Variants in GRPR observed in about 807,000 individuals in gnomAD.
The protein encoded by GRPR is gastrin releasing peptide receptor.
A neutral mutation model predicts 15.6 loss-of-function variants in GRPR; 4 were observed. The ratio of observed to expected loss-of-function variants is 0.26; its 90% CI spans 0.13 to 0.59. The LOEUF (loss-of-function observed/expected upper bound fraction) is 0.59, where lower values mean the gene tolerates loss of function less well. GRPR is among the 20% of genes least tolerant of loss of function. The probability of loss-of-function intolerance (pLI) is 0.90; values close to 1 mark genes in which losing one functional copy is unlikely to be tolerated. For synonymous variants in GRPR, 128 were observed against 126.8 expected, an observed-to-expected ratio of 1.01 and a Z score of -0.06; for missense variants, 270 against 304.1, an observed-to-expected ratio of 0.89 and a Z score of 0.83.
At chrX:16,150,159 G>A in intron 1 of GRPR, 146 bp from the exon 2 acceptor site, 1 of 486,547 alleles carries the variant, frequency 2.1e-6, no homozygotes, top group Admixed American at 2.9e-5. Context: ...GGGTCACAGA[G>A]CTCAGAGTCG....
At chrX:16,131,732 G>A (rs1922379716) in intron 1 of GRPR, among the ~76,000 whole-genome samples, 1 of 111,679 alleles carries the variant, frequency 9.0e-6, no homozygotes, top group African/African-American at 3.3e-5. Flanking sequence ...CTCACTTTTT[G>A]CACGTATCAG....
intron 1 of GRPR, among the ~76,000 whole-genome samples, chrX:16,148,323 T>C (rs757039845): frequency 1.8e-5 from 2 of 111,728 alleles, no homozygotes; most frequent in Admixed American, 9.5e-5. Flanking sequence ...ATATTACACT[T>C]GCCATTCCTC....
chrX:16,145,671 C>T lies in GRPR; in HGVS notation c.414-4634C>T, dbSNP rs762209495. Among the ~76,000 whole-genome samples the T allele has an allele frequency of 3.6e-5, 4 of 112,191 alleles. No homozygotes were observed. In the South Asian group the frequency reaches 1.5e-3, roughly 41 times the overall value. On this transcript the variant is annotated intron_variant, in intron 1 of 2. Transcript: ENST00000380289. Reference sequence around the variant, plus strand: ...GAGTATAATTGGATTGCTTTTTACACTAAGGATAAATGCTTGAGGGGATGG... The same window carrying T: ...GAGTATAATTGGATTGCTTTTTACATTAAGGATAAATGCTTGAGGGGATGG...
Position 16,149,305 on chromosome X carries a change from C to T in GRPR, c.414-1000C>T, listed in dbSNP as rs140693550. On this transcript the variant is annotated intron_variant, in intron 1 of 2. Transcript: ENST00000380289. The stretch of plus-strand genomic sequence containing the variant: ...GACCTGAGAAGCTCCCTCTTTCTAT[C>T]CTACTTCCTCCCCTTTTTCCTTTCA... 1.0e-3 allele frequency among the ~76,000 whole-genome samples: 113 copies of T among 111,319 alleles called. 1 individual carries two copies. In the East Asian group the frequency reaches 0.021, roughly 21 times the overall value.
At chrX:16,134,953 C>G (rs1184857754) in intron 1 of GRPR, among the ~76,000 whole-genome samples, 1 of 111,194 alleles carries the variant, frequency 9.0e-6, no homozygotes, top group Non-Finnish European at 1.9e-5. Flanking sequence ...AGAGTACATC[C>G]TATACTACTA....
intron 1 of GRPR, among the ~76,000 whole-genome samples, chrX:16,126,100 C>T (rs1291078613): frequency 9.0e-6 from 1 of 111,677 alleles, no homozygotes; most frequent in African/African-American, 3.3e-5. Flanking sequence ...AGACCAAGTT[C>T]ACCATCAACA....
intron 1 of GRPR, among the ~76,000 whole-genome samples, chrX:16,142,543 C>T (rs1415375690): frequency 8.9e-6 from 1 of 111,773 alleles, no homozygotes; most frequent in Non-Finnish European, 1.9e-5. Context: ...CCCAATGCCA[C>T]CATCACATTG....
intron 1 of GRPR, among the ~76,000 whole-genome samples, chrX:16,146,914 T>C (rs1326888343): frequency 8.9e-6 from 1 of 112,313 alleles, no homozygotes; most frequent in African/African-American, 3.2e-5. Context: ...GAATGTTGAC[T>C]CTACCACCTC....
At chrX:16,130,877 C>T (rs765193055) in intron 1 of GRPR, among the ~76,000 whole-genome samples, 131 of 112,371 alleles carry the variant, frequency 1.2e-3, no homozygotes, top group African/African-American at 3.2e-3. Context: ...TGTCTCTCCA[C>T]GGCAGTGGAA....
chrX:16,138,314 T>C (rs1018877412), intron 1 of GRPR, among the ~76,000 whole-genome samples: 3 of 112,031 alleles, frequency 2.7e-5, no homozygotes, highest in African/African-American at 9.7e-5. Context: ...GTCTTGGACA[T>C]CTGTGTGAAA....
intron 1 of GRPR, among the ~76,000 whole-genome samples, chrX:16,127,528 T>C (rs1223906533): frequency 9.0e-6 from 1 of 111,408 alleles, no homozygotes; most frequent in Non-Finnish European, 1.9e-5. Context: ...TGTTCCTGGC[T>C]CTGTTTCCTG....
chrX:16,147,154 AAT>A (rs1922618626), intron 1 of GRPR, among the ~76,000 whole-genome samples: 2 of 111,909 alleles, frequency 1.8e-5, no homozygotes, highest in African/African-American at 6.5e-5. Context: ...GTGATATATT[AAT>A]ATGTCAATAC....
intron 1 of GRPR, among the ~76,000 whole-genome samples, chrX:16,134,563 G>A (rs759102703): frequency 9.9e-5 from 11 of 111,457 alleles, no homozygotes; most frequent in African/African-American, 3.3e-4. Flanking sequence ...CAGATTGAAG[G>A]ATGGACTTTG....
intron 1 of GRPR, among the ~76,000 whole-genome samples, chrX:16,145,194 C>T (rs1376918559): frequency 8.9e-6 from 1 of 111,938 alleles, no homozygotes; most frequent in Non-Finnish European, 1.9e-5. Context: ...GAGATATCTG[C>T]ACTCCCATGT....
intron 2 of GRPR, among the ~76,000 whole-genome samples, chrX:16,151,478 C>T (rs185157465): frequency 4.5e-5 from 5 of 112,125 alleles, no homozygotes; most frequent in Admixed American, 9.4e-5. Context: ...GGAGACCTTA[C>T]CCTTTAACGT....
chrX:16,124,402 G>A (rs1263602232), intron 1 of GRPR, 36 bp downstream of exon 1: 1 of 1,140,543 alleles, frequency 8.8e-7, no homozygotes, highest in African/African-American at 1.8e-5. Flanking sequence ...CTCTCCAAGG[G>A]TGATAGACGC....
chrX:16,151,930 T>C (rs980467804), intron 2 of GRPR, among the ~76,000 whole-genome samples: 9 of 111,862 alleles, frequency 8.0e-5, no homozygotes, highest in African/African-American at 2.9e-4. Context: ...CATTCAAACA[T>C]GTAATCAACT....
At chrX:16,147,927 A>G (rs1454887994) in intron 1 of GRPR, among the ~76,000 whole-genome samples, 1 of 112,289 alleles carries the variant, frequency 8.9e-6, no homozygotes, top group African/African-American at 3.2e-5. Context: ...TTGGCTGAAG[A>G]TGTTCTCATG....
rs767995855 is a variant in GRPR, at chrX:16,125,459, G to A, written c.413+1093G>A. ...TATGTTATGTGTTAAAGATACAGAA[G>A]GATTTGAGAGTGTTCTGGAAAAGAC... On this transcript the variant is annotated intron_variant, in intron 1 of 2. Transcript: ENST00000380289. Among the ~76,000 whole-genome samples the A allele has an allele frequency of 8.0e-5, 9 of 112,173 alleles. No individual in the cohort carries two copies. In the East Asian group the frequency reaches 2.5e-3, roughly 31 times the overall value.
Sources: allele counts gnomAD v4.1 joint callset (sites outside exome capture counted in the v4.1 genomes callset), GRCh38; gene constraint gnomAD v4.1.1; transcripts MANE v1.5; gene names NCBI Gene and HGNC (gene_info 2026-07-23, HGNC 2026-07-21).